Variants in SULF1 observed in about 807,000 individuals in gnomAD.
The protein encoded by SULF1 is extracellular sulfatase Sulf-1.
SULF1 carries 46 observed loss-of-function variants against 110.5 expected under a neutral mutation model. The observed-to-expected ratio is 0.42, with a 90% CI of 0.33 to 0.53. The LOEUF (loss-of-function observed/expected upper bound fraction) is 0.53. Ranked by LOEUF, SULF1 falls within the 20% of genes least tolerant of loss-of-function variation. The pLI is 0.12. For missense variants in SULF1, 941 were observed against 1,094.2 expected (o/e 0.86, Z 1.98); for synonymous variants, 371 against 387.1 (o/e 0.96, Z 0.49).
At chr8:69,548,254 T>G (rs1486586498) in intron 3 of SULF1, among the ~76,000 whole-genome samples, 1 of 152,154 alleles carries the variant, frequency 6.6e-6, no homozygotes, top group African/African-American at 2.4e-5. Context: ...AGAAGACAAG[T>G]GTAAACATGC....
intron 22 of SULF1, among the ~76,000 whole-genome samples, chr8:69,644,945 C>T (rs149349635): frequency 9.2e-5 from 14 of 152,258 alleles, no homozygotes; most frequent in African/African-American, 3.4e-4. Context: ...AGCTGTCTTA[C>T]TAGCACTGTT....
chr8:69,593,179 G>A (rs1180221353), intron 8 of SULF1, among the ~76,000 whole-genome samples: 1 of 152,188 alleles, frequency 6.6e-6, no homozygotes, highest in African/African-American at 2.4e-5. Context: ...GGAGGAAGGG[G>A]CTGGAAGGAG....
At chr8:69,566,344 CT>C (rs1476441882) in intron 5 of SULF1, among the ~76,000 whole-genome samples, 1 of 152,106 alleles carries the variant, frequency 6.6e-6, no homozygotes, top group East Asian at 1.9e-4. Flanking sequence ...TCATAACTTT[CT>C]TTTTTAACAG....
intron 4 of SULF1, 116 bp downstream of exon 4, chr8:69,563,727 C>A (rs1815671992): frequency 2.5e-6 from 1 of 404,450 alleles, no homozygotes; most frequent in East Asian, 4.0e-5. Flanking sequence ...AGTGAATTTG[C>A]AAAATAATCA....
At chr8:69,577,586 G>A (rs898018953) in intron 6 of SULF1, among the ~76,000 whole-genome samples, 2 of 152,132 alleles carry the variant, frequency 1.3e-5, no homozygotes, top group Non-Finnish European at 2.9e-5. Context: ...GATGACATTT[G>A]TCATAAGAAA....
intron 22 of SULF1, among the ~76,000 whole-genome samples, chr8:69,649,362 T>C (rs983155729): frequency 1.3e-5 from 2 of 152,342 alleles, no homozygotes; most frequent in East Asian, 1.9e-4. Context: ...AGGAGGTATT[T>C]CCGTAGAACA....
In SULF1 at chr8:69,638,509, T is replaced by G; in HGVS notation, c.2292T>G (p.Ser764=). 1.2e-6 allele frequency: 2 copies of G among 1,611,856 alleles called. No homozygotes were observed. Among genetic ancestry groups the G allele is most frequent in the African/African-American group, 1.3e-5 (1 of 74,854 alleles). ...TTCTTTTTTACCCAACAGTGGGATCTTTCTGTGCTTGCACGAGTTCTAACA... is the reference window on the plus strand; with the variant it reads ...TTCTTTTTTACCCAACAGTGGGATCGTTCTGTGCTTGCACGAGTTCTAACA... ...WQTAPFWNLG[S]FCACTSSNNN... Residue 764 remains serine, a synonymous_variant, in exon 20 of 23, where the codon TCT becomes TCG. Coordinates refer to ENST00000402687, the MANE Select transcript of SULF1 (RefSeq NM_001128205.2).
At chr8:69,490,983 C>T (rs1330737525), upstream of SULF1, among the ~76,000 whole-genome samples, 34 of 152,086 alleles carry the variant, frequency 2.2e-4, no homozygotes, top group Admixed American at 2.2e-3. Context: ...ATTCCTGAAG[C>T]CGAATCCTCA....
chr8:69,496,320 G>A (rs1810352142), intron 2 of SULF1, among the ~76,000 whole-genome samples: 1 of 152,176 alleles, frequency 6.6e-6, no homozygotes, highest in Non-Finnish European at 1.5e-5. Flanking sequence ...TAAATATAAA[G>A]AGCCTTACCA....
At chr8:69,525,222 G>A (rs1812575791) in intron 3 of SULF1, among the ~76,000 whole-genome samples, 1 of 152,066 alleles carries the variant, frequency 6.6e-6, no homozygotes, top group South Asian at 2.1e-4. Context: ...CTGGGAATCA[G>A]GAATGGCACT....
At chr8:69,582,481 T>A (rs1806143982) in intron 6 of SULF1, among the ~76,000 whole-genome samples, 1 of 152,308 alleles carries the variant, frequency 6.6e-6, no homozygotes, top group Non-Finnish European at 1.5e-5. Context: ...GCTTTACATA[T>A]GTGTTGATGC....
chr8:69,644,668 G>A (rs1385300695), intron 22 of SULF1, among the ~76,000 whole-genome samples: 6 of 151,450 alleles, frequency 4.0e-5, no homozygotes, highest in African/African-American at 1.2e-4. Flanking sequence ...GGCTGAGGCA[G>A]GAGAATGGCG....
At chr8:69,503,500 ATAAC>A (rs762332883) in intron 3 of SULF1, among the ~76,000 whole-genome samples, 98 of 152,358 alleles carry the variant, frequency 6.4e-4, no homozygotes, top group Middle Eastern at 3.4e-3. Context: ...AGTTCATTGA[ATAAC>A]TAATAAGTTC....
intron 13 of SULF1, among the ~76,000 whole-genome samples, chr8:69,618,361 T>G (rs1809342809): frequency 6.6e-6 from 1 of 152,250 alleles, no homozygotes; most frequent in South Asian, 2.1e-4. Context: ...ATAAACTTTT[T>G]TTCCTGTGAT....
At chr8:69,510,945 T>TACACACACACACACAC (rs56386460) in intron 3 of SULF1, among the ~76,000 whole-genome samples, 10 of 141,144 alleles carry the variant, frequency 7.1e-5, no homozygotes, top group Non-Finnish European at 1.4e-4. Flanking sequence ...ATATCATCAT[T>TACACACACACACACAC]ACACACACAC....
intron 13 of SULF1, 57 bp downstream of exon 13, chr8:69,604,989 G>A: frequency 6.3e-7 from 1 of 1,595,254 alleles, no homozygotes; most frequent in Non-Finnish European, 8.5e-7. Flanking sequence ...CTCTAATTTA[G>A]AAAATTGTCC....
chr8:69,576,016 G>T lies in SULF1; in HGVS notation c.219G>T (p.Gly73=), dbSNP rs141505559. ...AAACGAGAAAGATTATGGAACATGGGGGGGCCACCTTCATCAATGCCTTTG... is the reference window on the plus strand; with the variant it reads ...AAACGAGAAAGATTATGGAACATGGTGGGGCCACCTTCATCAATGCCTTTG... ...MNKTRKIMEH[G]GATFINAFVT... The change falls in exon 6 of 23, where the codon GGG becomes GGT. Residue 73 remains glycine, a synonymous_variant. Transcript: ENST00000402687. 5 of 1,614,060 alleles carry T rather than the reference G, an allele frequency of 3.1e-6. No homozygotes were observed. Among genetic ancestry groups the T allele is most frequent in the African/African-American group, 2.7e-5 (2 of 75,034 alleles).
At chr8:69,467,184 G>A (rs537209501) in intron 1 of SULF1, 3 of 152,146 alleles carry the variant, frequency 2.0e-5, no homozygotes, top group South Asian at 2.1e-4. Context: ...TTTGGGAGCC[G>A]CGTTTGTACC....
At chr8:69,559,911 G>C (rs767375170) in intron 3 of SULF1, among the ~76,000 whole-genome samples, 6 of 152,060 alleles carry the variant, frequency 3.9e-5, no homozygotes, top group Non-Finnish European at 7.4e-5. Context: ...TTGTTTGTTT[G>C]TTTTTACTAT....
Sources: allele counts gnomAD v4.1 joint callset (sites outside exome capture counted in the v4.1 genomes callset), GRCh38; gene constraint gnomAD v4.1.1; transcripts MANE v1.5; gene names NCBI Gene and HGNC (gene_info 2026-07-23, HGNC 2026-07-21).